Variants in CDH10 observed in about 807,000 individuals in gnomAD.
The protein encoded by CDH10 is cadherin 10.
A neutral mutation model predicts 73.1 loss-of-function variants in CDH10; 30 were observed. That is an observed-to-expected ratio of 0.41 (90% confidence interval 0.31 to 0.56). The LOEUF is 0.56. CDH10 is among the 20% of genes least tolerant of loss of function. The pLI is 0.27. For missense variants in CDH10, 815 were observed against 973.7 expected (o/e 0.84, Z 2.17); for synonymous variants, 345 against 348.2 (o/e 0.99, Z 0.10).
At chr5:24,519,097 C>T (rs1211477873) in intron 5 of CDH10, among the ~76,000 whole-genome samples, 25 of 151,500 alleles carry the variant, frequency 1.7e-4, no homozygotes, top group Non-Finnish European at 1.5e-5. Flanking sequence ...TGCCATGTTA[C>T]CCAGGCTGGT....
chr5:24,642,813 T>C (rs1354052529), intron 1 of CDH10, among the ~76,000 whole-genome samples: 1 of 152,098 alleles, frequency 6.6e-6, no homozygotes, highest in East Asian at 1.9e-4. Flanking sequence ...TGTTGTTTTT[T>C]TTCCCCCAAA....
intron 7 of CDH10, 38 bp downstream of exon 7, chr5:24,509,528 C>T (rs760957133): frequency 8.7e-6 from 14 of 1,601,678 alleles, no homozygotes; most frequent in East Asian, 2.2e-5. Context: ...CGTGAGCCAC[C>T]GAGCCCGGCT....
At chr5:24,556,420 T>G (rs1485853680) in intron 2 of CDH10, among the ~76,000 whole-genome samples, 8 of 152,054 alleles carry the variant, frequency 5.3e-5, no homozygotes, top group Non-Finnish European at 1.0e-4. Context: ...TTGTGTTTGA[T>G]TTATATTAAT....
At chr5:24,515,728 A>C (rs1743084788) in intron 5 of CDH10, among the ~76,000 whole-genome samples, 2 of 152,118 alleles carry the variant, frequency 1.3e-5, no homozygotes, top group South Asian at 4.1e-4. Context: ...CATGGCTGAT[A>C]TGGTTTGGCT....
At chr5:24,497,883 C>A (rs899128596) in intron 9 of CDH10, among the ~76,000 whole-genome samples, 1 of 152,176 alleles carries the variant, frequency 6.6e-6, no homozygotes, top group African/African-American at 2.4e-5. Context: ...AGTCATTAAG[C>A]ACTTCATATG....
At chr5:24,630,127 T>C (rs1747654655) in intron 1 of CDH10, among the ~76,000 whole-genome samples, 2 of 151,994 alleles carry the variant, frequency 1.3e-5, no homozygotes, top group South Asian at 2.1e-4. Flanking sequence ...AGTAAAAATA[T>C]ACAAAAGGAA....
chr5:24,634,387 T>C (rs973187091), intron 1 of CDH10, among the ~76,000 whole-genome samples: 2 of 151,844 alleles, frequency 1.3e-5, no homozygotes, highest in African/African-American at 2.4e-5. Context: ...TCTAAAAGTA[T>C]ATATACATTT....
chr5:24,551,128 T>G (rs985368175), intron 2 of CDH10, among the ~76,000 whole-genome samples: 1 of 152,136 alleles, frequency 6.6e-6, no homozygotes, highest in Non-Finnish European at 1.5e-5. Flanking sequence ...TCCTTTTCCA[T>G]TCTTAAGCCA....
chr5:24,626,339 T>G (rs577446026), intron 1 of CDH10, among the ~76,000 whole-genome samples: 1 of 152,160 alleles, frequency 6.6e-6, no homozygotes, highest in Non-Finnish European at 1.5e-5. Flanking sequence ...TGAAGCTTAT[T>G]TGGCAAAAAC....
chr5:24,548,475 C>G (rs150442332), intron 2 of CDH10, among the ~76,000 whole-genome samples: 8 of 95,250 alleles, frequency 8.4e-5, no homozygotes, highest in South Asian at 3.8e-4. Flanking sequence ...ATTCCCAGTC[C>G]TCCTCTTTTT....
rs375408926 is a variant in CDH10, at chr5:24,640,072, C to T, written c.-124+4522G>A. 6.6e-5 allele frequency among the ~76,000 whole-genome samples: 10 copies of T among 151,780 alleles called. No individual in the cohort carries two copies. In the East Asian group the frequency reaches 1.7e-3, roughly 26 times the overall value. On this transcript the variant is annotated intron_variant, in intron 1 of 11. Transcript: ENST00000264463. ...CAACTGAACTGTCATATACTTTGTG[C>T]TATAATGCAAAGGATAGTGTAATAA...
intron 1 of CDH10, among the ~76,000 whole-genome samples, chr5:24,596,722 T>C (rs185468304): frequency 2.6e-5 from 4 of 152,094 alleles, no homozygotes; most frequent in Admixed American, 1.3e-4. Flanking sequence ...TCCCCACTAA[T>C]AGACAATTCT....
At chr5:24,636,533 C>T (rs1377870427) in intron 1 of CDH10, among the ~76,000 whole-genome samples, 2 of 151,862 alleles carry the variant, frequency 1.3e-5, no homozygotes, top group Non-Finnish European at 2.9e-5. Context: ...AACACAGTGG[C>T]TTCTATGAAG....
intron 5 of CDH10, among the ~76,000 whole-genome samples, chr5:24,533,583 G>A (rs1412069636): frequency 6.6e-6 from 1 of 151,906 alleles, no homozygotes; most frequent in Admixed American, 6.6e-5. Flanking sequence ...TCCAGTAATA[G>A]TTTTGCTCAT....
In CDH10 at chr5:24,487,329, G is replaced by T. The variant is rs922806249; in HGVS notation, c.*334C>A. Reference sequence around the variant, plus strand: ...TTTAAAAGCTTCATTTGCAAGGGCAGGACATGTACCTAACAGAAGCGGCTT... The same window carrying T: ...TTTAAAAGCTTCATTTGCAAGGGCATGACATGTACCTAACAGAAGCGGCTT... On this transcript the variant is annotated 3_prime_UTR_variant, in exon 12 of 12. Transcript: ENST00000264463. The T allele has an allele frequency of 1.8e-5, 4 of 224,640 alleles. No homozygotes were observed. The highest frequency in any genetic ancestry group is 1.5e-4 in the Admixed American group (3 of 19,570). 13.9% of individuals were successfully genotyped at this position (224,640 alleles called of 1,614,324 possible). A position where few individuals can be genotyped will look rare whatever the true frequency, so the allele number is the denominator to read the frequency against.
intron 1 of CDH10, among the ~76,000 whole-genome samples, chr5:24,614,216 C>T (rs964318549): frequency 7.9e-5 from 12 of 152,088 alleles, no homozygotes; most frequent in African/African-American, 2.2e-4. Context: ...GTAAGTTCTA[C>T]GGATAGGCTA....
chr5:24,630,133 A>T (rs2112193091), intron 1 of CDH10, among the ~76,000 whole-genome samples: 1 of 152,286 alleles, frequency 6.6e-6, no homozygotes, highest in Admixed American at 6.5e-5. Context: ...AATATACAAA[A>T]GGAATAAGGC....
At chr5:24,641,967 T>G (rs972006797) in intron 1 of CDH10, among the ~76,000 whole-genome samples, 1 of 152,130 alleles carries the variant, frequency 6.6e-6, no homozygotes, top group African/African-American at 2.4e-5. Flanking sequence ...ATTTATAATT[T>G]CAGTATTTTA....
chr5:24,513,541 G>A (rs6452206), intron 5 of CDH10, among the ~76,000 whole-genome samples: 72,660 of 151,888 alleles, frequency 0.48, 17,495 homozygotes, highest in East Asian at 0.58. Context: ...CATTTGTGTG[G>A]TTTAAGCCAC....
Sources: allele counts gnomAD v4.1 joint callset (sites outside exome capture counted in the v4.1 genomes callset), GRCh38; gene constraint gnomAD v4.1.1; transcripts MANE v1.5; gene names NCBI Gene and HGNC (gene_info 2026-07-23, HGNC 2026-07-21).